Variants in DEGS1 observed in about 807,000 individuals in gnomAD.
DEGS1 encodes sphingolipid delta(4)-desaturase DES1.
A neutral mutation model predicts 24.1 loss-of-function variants in DEGS1; 17 were observed. That is an observed-to-expected ratio of 0.70 (90% confidence interval 0.48 to 1.06). DEGS1 has a LOEUF of 1.06. Among genes scored for constraint, DEGS1 ranks in the 50% least tolerant of loss-of-function variants. DEGS1 has a pLI of 0.00. For synonymous variants in DEGS1, 134 were observed against 140.0 expected (o/e 0.96, Z 0.30); for missense variants, 366 against 408.9 (o/e 0.90, Z 0.91).
At chr1:224,183,627 A>G (rs1270087761) in intron 1 of DEGS1, 5 of 349,062 alleles carry the variant, frequency 1.4e-5, no homozygotes, top group African/African-American at 2.2e-5. Flanking sequence ...GGGTCCTCGG[A>G]GCCGCGCAGC....
At chr1:224,188,208 T>C (rs1658444305) in intron 1 of DEGS1, among the ~76,000 whole-genome samples, 1 of 152,188 alleles carries the variant, frequency 6.6e-6, no homozygotes. Flanking sequence ...TAGTGAGCTA[T>C]GATGGCATCA....
chr1:224,190,404 C>G, intron 2 of DEGS1, 85 bp downstream of exon 2: 3 of 1,285,504 alleles, frequency 2.3e-6, no homozygotes, highest in Non-Finnish European at 2.1e-6. Context: ...GTCGCCCAGG[C>G]TGGCGGGCAG....
At chr1:224,184,492 A>G (rs986130392) in intron 1 of DEGS1, among the ~76,000 whole-genome samples, 1 of 133,294 alleles carries the variant, frequency 7.5e-6, no homozygotes, top group African/African-American at 2.8e-5. Flanking sequence ...TTGAGACTGC[A>G]CGTGTTTGTT....
chr1:224,191,439 C>A, intron 2 of DEGS1, among the ~76,000 whole-genome samples: 1 of 151,452 alleles, frequency 6.6e-6, no homozygotes, highest in East Asian at 1.9e-4. Flanking sequence ...CCAGGCTGGT[C>A]TCAAATTCCT....
intron 1 of DEGS1, among the ~76,000 whole-genome samples, chr1:224,184,324 A>C (rs1461620616): frequency 2.6e-5 from 4 of 152,106 alleles, no homozygotes; most frequent in African/African-American, 9.7e-5. Context: ...TGCTTTACAA[A>C]CATTACCCAA....
Position 224,189,607 on chromosome 1 carries a change from A to T in DEGS1, c.113A>T (p.Lys38Ile). The change falls in exon 2 of 3, where the codon AAA (lysine) becomes ATA (isoleucine). Residue 38 changes from lysine to isoleucine, a missense_variant. Transcript: ENST00000323699. ...TATCCAGAGATAAAGTCCTTGATGA[A>T]ACCTGATCCCAATTTGATATGGATT... Reference protein sequence around the residue: ...AKYPEIKSLMKPDPNLIWIII... With the variant: ...AKYPEIKSLMIPDPNLIWIII... 1 of 1,609,214 alleles carries T rather than the reference A, an allele frequency of 6.2e-7. No individual in the cohort carries two copies. Among genetic ancestry groups the T allele is most frequent in the East Asian group, 2.2e-5 (1 of 44,846 alleles).
Position 224,189,562 on chromosome 1 carries a change from GTTT to G in DEGS1, c.83-11_83-9del. The G allele has an allele frequency of 6.5e-7, 1 of 1,541,388 alleles. No homozygotes were observed. Among genetic ancestry groups the G allele is most frequent in the South Asian group, 1.2e-5 (1 of 80,326 alleles). ...TACTTTTCTTAGTTCCTGTTTTTTT[GTTT>G]TTTCTTTACAGCAAAGTATCCAGAG... is the stretch of plus-strand genomic sequence containing the variant. On this transcript the variant is annotated splice_polypyrimidine_tract_variant and intron_variant, in intron 1 of 2. Transcript: ENST00000323699.
At chr1:224,188,566 A>G (rs748246506) in intron 1 of DEGS1, among the ~76,000 whole-genome samples, 8 of 152,094 alleles carry the variant, frequency 5.3e-5, no homozygotes, top group Non-Finnish European at 7.4e-5. Flanking sequence ...GGTGGTATCT[A>G]TGGTTTCAGT....
intron 2 of DEGS1, among the ~76,000 whole-genome samples, chr1:224,190,688 T>A (rs186723066): frequency 1.3e-5 from 2 of 152,224 alleles, no homozygotes; most frequent in East Asian, 3.9e-4. Flanking sequence ...GTCCTTAAGC[T>A]TAGTGGTTAC....
At position 224,189,993 on chromosome 1, in the gene DEGS1, C is replaced by T; in HGVS notation, c.499C>T (p.Pro167Ser). The T allele has an allele frequency of 6.2e-7, 1 of 1,614,228 alleles. No individual in the cohort carries two copies. Among genetic ancestry groups the T allele is most frequent in the Non-Finnish European group, 8.5e-7 (1 of 1,180,048 alleles). Residue 167 changes from proline (P) to serine (S), a missense_variant, in exon 2 of 3, where the codon CCT (proline) becomes TCT (serine). Physicochemically the swap from Pro to Ser is moderately conservative, Grantham distance 74 (BLOSUM62 -1). Transcript: ENST00000323699. ...FRKFIWVILQPLFYAFRPLFI... is the reference protein window; with the variant it reads ...FRKFIWVILQSLFYAFRPLFI... ...AAAGTTTATATGGGTTATTCTTCAG[C>T]CTCTCTTTTATGCCTTTCGACCTCT... is the stretch of plus-strand genomic sequence containing the variant.
intron 1 of DEGS1, among the ~76,000 whole-genome samples, chr1:224,185,479 C>G (rs1391136156): frequency 6.6e-6 from 1 of 152,110 alleles, no homozygotes; most frequent in East Asian, 1.9e-4. Flanking sequence ...TGGCACATCA[C>G]TTACACATAC....
intron 1 of DEGS1, 53 bp downstream of exon 1, chr1:224,183,471 G>A (rs989099244): frequency 1.6e-6 from 2 of 1,251,174 alleles, no homozygotes; most frequent in South Asian, 2.9e-5. Flanking sequence ...CCGGCGCCGG[G>A]GCGCGCTCTC....
chr1:224,192,357 A>G lies in DEGS1; in HGVS notation c.851A>G (p.Tyr284Cys), dbSNP rs751470341. 3 of 1,613,290 alleles carry G rather than the reference A, an allele frequency of 1.9e-6. No homozygotes were observed. The highest frequency in any genetic ancestry group is 2.2e-5 in the East Asian group (1 of 44,852). The change falls in exon 3 of 3, where the codon TAT (tyrosine) becomes TGT (cysteine). Residue 284 changes from tyrosine to cysteine, a missense_variant. Transcript: ENST00000323699. ...PLVRKIAAEY[Y>C]DNLPHYNSWI... is the part of the protein sequence containing the mutation. ...GTGAGGAAAATAGCAGCTGAATACT[A>G]TGACAACCTCCCTCACTACAATTCC...
At chr1:224,189,522 T>C (rs987654985) in intron 1 of DEGS1, 55 bp from the exon 2 acceptor site, 32 of 1,298,090 alleles carry the variant, frequency 2.5e-5, no homozygotes, top group Non-Finnish European at 3.4e-5. Context: ...TAATTATAAT[T>C]GGTGAACTAT....
rs1658585955 is a variant in DEGS1 at position 224,193,093 on chromosome 1, C to CTATT, written c.*617_*620dup. The CTATT allele has an allele frequency of 1.3e-5, 2 of 151,996 alleles. No homozygotes were observed. Among genetic ancestry groups the CTATT allele is most frequent in the African/African-American group, 4.8e-5 (2 of 41,410 alleles). The allele number at this position is 151,996 out of a possible 1,614,324, so 9.4% of individuals were successfully genotyped here. On this transcript the variant is annotated 3_prime_UTR_variant, in exon 3 of 3. Transcript: ENST00000323699. Reference sequence around the variant, plus strand: ...ATAAATATATATAAAAAATAAAAAGCTATTTCTAGTTTATTTCACTATAAA... The same window carrying CTATT: ...ATAAATATATATAAAAAATAAAAAGCTATTTATTTCTAGTTTATTTCACTATAAA...
Position 224,183,409 on chromosome 1 carries a change from G to A in DEGS1, c.73G>A (p.Glu25Lys). Residue 25 changes from glutamate to lysine, a missense_variant, in exon 1 of 3, where the codon GAG (glutamate) becomes AAG (lysine). Physicochemically the swap from Glu to Lys is moderately conservative, Grantham distance 56. Coordinates refer to ENST00000323699, the MANE Select transcript of DEGS1 (RefSeq NM_003676.4). ...CCAGCCGCACGCCGACCGGCGCCGG[G>A]AGATCCTGGGTGAGGGCCAGCGGGC... is the stretch of plus-strand genomic sequence containing the variant. ...TDQPHADRRR[E>K]ILAKYPEIKS... The A allele has an allele frequency of 2.8e-6, 4 of 1,424,480 alleles. No individual in the cohort carries two copies. The highest frequency in any genetic ancestry group is 3.7e-6 in the Non-Finnish European group (4 of 1,079,124). 88.2% of individuals were successfully genotyped at this position (1,424,480 alleles called of 1,614,324 possible). A position where few individuals can be genotyped will look rare whatever the true frequency, so the allele number is the denominator to read the frequency against.
In DEGS1 at chr1:224,192,449, C is replaced by T; in HGVS notation, c.943C>T (p.His315Tyr). ...AAGTCCCTACTCAAGAATGAAGAGGCACCAAAAAGGAGAGATGGTGCTGGA... is the reference window on the plus strand; with the variant it reads ...AAGTCCCTACTCAAGAATGAAGAGGTACCAAAAAGGAGAGATGGTGCTGGA... ...TISPYSRMKR[H>Y]QKGEMVLE Residue 315 changes from histidine (H) to tyrosine (Y), a missense_variant, in exon 3 of 3, where the codon CAC (histidine) becomes TAC (tyrosine). His to Tyr is a moderately conservative substitution (Grantham distance 83). Transcript: ENST00000323699. 2 of 1,610,626 alleles carry T rather than the reference C, an allele frequency of 1.2e-6. No homozygotes were observed. Among genetic ancestry groups the T allele is most frequent in the Non-Finnish European group, 1.7e-6 (2 of 1,178,942 alleles).
Position 224,189,838 on chromosome 1 carries a change from C to T in DEGS1, c.344C>T (p.Pro115Leu). ...NRWFGMFANL[P>L]IGIPYSISFK... ...TGGTTTGGAATGTTTGCTAATCTTC[C>T]TATTGGGATTCCATATTCAATTTCC... Residue 115 changes from proline to leucine, a missense_variant, in exon 2 of 3, where the codon CCT (proline) becomes CTT (leucine). Physicochemically the swap from Pro to Leu is moderately conservative, Grantham distance 98. Coordinates refer to ENST00000323699, the MANE Select transcript of DEGS1 (RefSeq NM_003676.4). 1 of 1,614,166 alleles carries T rather than the reference C, an allele frequency of 6.2e-7. No individual in the cohort carries two copies. Among genetic ancestry groups the T allele is most frequent in the South Asian group, 1.1e-5 (1 of 91,084 alleles).
intron 1 of DEGS1, among the ~76,000 whole-genome samples, chr1:224,185,468 T>C (rs2102652614): frequency 6.6e-6 from 1 of 152,300 alleles, no homozygotes; most frequent in East Asian, 1.9e-4. Context: ...AGCAATTTGT[T>C]TGGCACATCA....
Sources: allele counts gnomAD v4.1 joint callset (sites outside exome capture counted in the v4.1 genomes callset), GRCh38; gene constraint gnomAD v4.1.1; transcripts MANE v1.5; gene names NCBI Gene and HGNC (gene_info 2026-07-23, HGNC 2026-07-21).